The following C3orf49 variants were observed in gnomAD, a reference collection of about 807,000 sequenced individuals.
C3orf49 encodes the protein chromosome 3 open reading frame 49.
C3orf49 carries 27 observed loss-of-function variants against 13.3 expected under a neutral mutation model. That is an observed-to-expected ratio of 2.02 (90% CI 1.49 to 2.79). C3orf49 has a LOEUF of 2.79. C3orf49 is among the 30% of genes most tolerant of loss of function. The pLI, the probability that C3orf49 is intolerant of heterozygous loss-of-function variation, is 0.00. For synonymous variants in C3orf49, 87 were observed against 47.6 expected (o/e 1.83, Z -3.40); for missense variants, 242 against 134.2 (o/e 1.80, Z -3.97).
chr3:63,815,933 G>C (rs569779768), upstream of C3orf49, among the ~76,000 whole-genome samples: 2 of 151,468 alleles, frequency 1.3e-5, no homozygotes, highest in East Asian at 2.0e-4. Flanking sequence ...ATACAGGCGT[G>C]TGCCACCATG....
chr3:63,780,564 C>T, the C3orf49 span, among the ~76,000 whole-genome samples: 5 of 152,224 alleles, frequency 3.3e-5, no homozygotes, highest in African/African-American at 1.2e-4. Context: ...AATCGCCACA[C>T]TGACTTCCAC....
At chr3:63,848,059 T>A (rs1701938180) in intron 6 of C3orf49, among the ~76,000 whole-genome samples, 1 of 152,152 alleles carries the variant, frequency 6.6e-6, no homozygotes, top group Non-Finnish European at 1.5e-5. Flanking sequence ...ATAAGATACA[T>A]CACATGACAG....
the C3orf49 span, among the ~76,000 whole-genome samples, chr3:63,781,552 A>T: frequency 2.0e-5 from 3 of 152,060 alleles, no homozygotes; most frequent in Non-Finnish European, 4.4e-5. Context: ...CTTGATGGGG[A>T]TGGCATTGAA....
intron 2 of C3orf49, among the ~76,000 whole-genome samples, chr3:63,824,836 C>CAAAAA (rs34464702): frequency 4.6e-5 from 5 of 107,878 alleles, no homozygotes; most frequent in East Asian, 2.9e-4. Context: ...GACCCTGTCT[C>CAAAAA]AAAAAAAAAA....
the C3orf49 span, among the ~76,000 whole-genome samples, chr3:63,801,353 C>T: frequency 2.6e-5 from 4 of 150,986 alleles, no homozygotes; most frequent in Admixed American, 1.3e-4. Context: ...GAAAGAGATA[C>T]ATACACGGTG....
At chr3:63,789,214 C>T in the C3orf49 span, among the ~76,000 whole-genome samples, 16 of 152,064 alleles carry the variant, frequency 1.1e-4, no homozygotes, top group African/African-American at 3.1e-4. Context: ...ATCTAGGCTG[C>T]ACGCTCTTTA....
Position 63,821,906 on chromosome 3 carries a change from T to C in C3orf49, c.126-1344T>C, listed in dbSNP as rs539151191. Among the ~76,000 whole-genome samples, 9 of 152,308 alleles carry C rather than the reference T, an allele frequency of 5.9e-5. No homozygotes were observed. The South Asian group carries it at 1.7e-3, about 28-fold the overall frequency. ...TGTCAATATGCTGGTTGTGAAAATA[T>C]AGTTTTGCAAGATGTCATCATTTGG... On this transcript the variant is annotated intron_variant, in intron 1 of 6. Transcript: ENST00000295896.
chr3:63,786,300 A>G, the C3orf49 span, among the ~76,000 whole-genome samples: 3 of 152,128 alleles, frequency 2.0e-5, no homozygotes, highest in African/African-American at 7.2e-5. Context: ...TCAAGTTTCA[A>G]TTCTTTCAAG....
At chr3:63,787,582 T>C in the C3orf49 span, among the ~76,000 whole-genome samples, 1 of 152,150 alleles carries the variant, frequency 6.6e-6, no homozygotes, top group Non-Finnish European at 1.5e-5. Flanking sequence ...CAACTCCCAC[T>C]GTCCTTTAGG....
At chr3:63,812,732 G>T in the C3orf49 span, among the ~76,000 whole-genome samples, 1 of 151,954 alleles carries the variant, frequency 6.6e-6, no homozygotes, top group Non-Finnish European at 1.5e-5. Context: ...AATTTAAACC[G>T]TTGTTATTAT....
the C3orf49 span, among the ~76,000 whole-genome samples, chr3:63,811,550 TCTGTG>T: frequency 2.1e-5 from 3 of 145,514 alleles, no homozygotes; most frequent in African/African-American, 7.6e-5. Flanking sequence ...AGAGCAAGGC[TCTGTG>T]TCAAAAAACA....
At chr3:63,811,544 CAAGG>C in the C3orf49 span, among the ~76,000 whole-genome samples, 3 of 142,870 alleles carry the variant, frequency 2.1e-5, no homozygotes, top group African/African-American at 7.7e-5. Flanking sequence ...GGTGACAGAG[CAAGG>C]CTCTGTGTCA....
chr3:63,830,691 A>T (rs1004867910), intron 3 of C3orf49, among the ~76,000 whole-genome samples: 2 of 152,170 alleles, frequency 1.3e-5, no homozygotes, highest in Non-Finnish European at 2.9e-5. Flanking sequence ...GACTGCCGTG[A>T]AAATAAGGAA....
the C3orf49 span, among the ~76,000 whole-genome samples, chr3:63,793,005 G>C: frequency 2.6e-5 from 4 of 152,078 alleles, no homozygotes; most frequent in Non-Finnish European, 5.9e-5. Flanking sequence ...TCTGCGAATA[G>C]ACTTAAATTA....
chr3:63,844,053 A>G (rs1292195190), intron 5 of C3orf49, among the ~76,000 whole-genome samples: 1 of 152,240 alleles, frequency 6.6e-6, no homozygotes, highest in Admixed American at 6.5e-5. Flanking sequence ...TTTCAACTAC[A>G]TGGATGAACC....
At chr3:63,795,424 C>T in the C3orf49 span, among the ~76,000 whole-genome samples, 46 of 152,154 alleles carry the variant, frequency 3.0e-4, no homozygotes, top group Non-Finnish European at 5.0e-4. Context: ...TTGCCTCACT[C>T]GTTCTTTGCT....
At chr3:63,798,609 A>G in the C3orf49 span, among the ~76,000 whole-genome samples, 15 of 152,198 alleles carry the variant, frequency 9.9e-5, no homozygotes, top group African/African-American at 3.6e-4. Context: ...CCTCTTCCTA[A>G]TATTAGAACT....
the C3orf49 span, among the ~76,000 whole-genome samples, chr3:63,807,291 T>C: frequency 1.3e-5 from 2 of 152,178 alleles, no homozygotes; most frequent in Non-Finnish European, 2.9e-5. Context: ...ATAATATTAA[T>C]GATCATTTGT....
the C3orf49 span, among the ~76,000 whole-genome samples, chr3:63,806,998 T>C: frequency 6.6e-6 from 1 of 152,008 alleles, no homozygotes; most frequent in Admixed American, 6.6e-5. Flanking sequence ...GTGGCCCAGG[T>C]TGGAGTACAG....
Sources: gnomAD v4.1 joint callset for allele counts (sites outside exome capture counted in the v4.1 genomes callset) on GRCh38, gnomAD v4.1.1 for gene constraint, MANE v1.5 for transcripts, NCBI Gene and HGNC (gene_info 2026-07-23, HGNC 2026-07-21) for gene names.